The following HUNK variants were observed in gnomAD, a reference collection of about 807,000 sequenced individuals.
HUNK encodes hormonally up-regulated neu tumor-associated kinase.
Under a neutral mutation model 61.0 loss-of-function variants are expected in HUNK, and 21 were observed. That is an observed-to-expected ratio of 0.34 (90% CI 0.24 to 0.50). The LOEUF (loss-of-function observed/expected upper bound fraction) is 0.50. HUNK is among the 20% of genes least tolerant of loss of function. HUNK has a pLI of 0.98. For missense variants in HUNK, 772 were observed against 945.7 expected (o/e 0.82, Z 2.41); for synonymous variants, 371 against 386.1 (o/e 0.96, Z 0.46).
At chr21:31,956,023 G>GA (rs2052887453) in intron 4 of HUNK, among the ~76,000 whole-genome samples, 1 of 152,214 alleles carries the variant, frequency 6.6e-6, no homozygotes, top group South Asian at 2.1e-4. Flanking sequence ...TTAACTGCAT[G>GA]AACCTGCTGG....
chr21:31,970,415 G>A (rs2053001719), intron 6 of HUNK, among the ~76,000 whole-genome samples: 1 of 152,140 alleles, frequency 6.6e-6, no homozygotes, highest in South Asian at 2.1e-4. Flanking sequence ...GGTTACCAAG[G>A]GAACCTGGAA....
intron 2 of HUNK, among the ~76,000 whole-genome samples, chr21:31,927,643 GAA>G (rs111814282): frequency 1.4e-5 from 2 of 140,638 alleles, no homozygotes; most frequent in Admixed American, 7.1e-5. Context: ...GACTTGTCTG[GAA>G]AAAAAAAAAA....
intron 3 of HUNK, among the ~76,000 whole-genome samples, chr21:31,941,137 G>T (rs1223073851): frequency 6.6e-6 from 1 of 152,166 alleles, no homozygotes; most frequent in Admixed American, 6.5e-5. Flanking sequence ...TGGGCAAGAG[G>T]ATGCACAGAC....
chr21:31,899,012 T>C (rs745608010), intron 1 of HUNK, among the ~76,000 whole-genome samples: 19 of 152,118 alleles, frequency 1.2e-4, no homozygotes, highest in Non-Finnish European at 2.5e-4. Context: ...GATAAGCTGC[T>C]CTTAAGTTCC....
At chr21:31,984,873 C>T (rs918290493) in intron 8 of HUNK, among the ~76,000 whole-genome samples, 2 of 152,114 alleles carry the variant, frequency 1.3e-5, no homozygotes, top group Admixed American at 6.5e-5. Flanking sequence ...AAGACATACC[C>T]GAGACTGGGT....
chr21:31,952,436 C>T (rs2052856834), intron 4 of HUNK, among the ~76,000 whole-genome samples: 1 of 152,176 alleles, frequency 6.6e-6, no homozygotes, highest in Admixed American at 6.5e-5. Flanking sequence ...CCACATGCCC[C>T]TTAAGAACGA....
chr21:31,949,177 G>A (rs1323149586), intron 4 of HUNK, among the ~76,000 whole-genome samples: 1 of 152,266 alleles, frequency 6.6e-6, no homozygotes, highest in Non-Finnish European at 1.5e-5. Flanking sequence ...GTGGTCTGGT[G>A]TGCAGGCTGC....
chr21:31,958,548 C>T (rs1482779889), intron 4 of HUNK, among the ~76,000 whole-genome samples: 2 of 151,990 alleles, frequency 1.3e-5, no homozygotes, highest in Non-Finnish European at 2.9e-5. Flanking sequence ...AGATAGTGGT[C>T]CAGGCTGATG....
chr21:31,960,376 A>G (rs993224823), intron 5 of HUNK, among the ~76,000 whole-genome samples: 1 of 122,316 alleles, frequency 8.2e-6, no homozygotes, highest in Admixed American at 8.1e-5. Flanking sequence ...ATAGAGAGTA[A>G]AAAGGTTTTT....
intron 1 of HUNK, among the ~76,000 whole-genome samples, chr21:31,874,538 G>C (rs2052245071): frequency 6.6e-6 from 1 of 152,014 alleles, no homozygotes; most frequent in East Asian, 1.9e-4. Context: ...CCCTCCACTT[G>C]TCCATCCCTC....
chr21:31,921,859 A>T (rs1460887867), intron 1 of HUNK, among the ~76,000 whole-genome samples: 3 of 152,052 alleles, frequency 2.0e-5, no homozygotes, highest in African/African-American at 7.2e-5. Context: ...ATTGAGGTTT[A>T]ACTGACAGAT....
chr21:31,968,986 C>T (rs1052188814), intron 6 of HUNK, among the ~76,000 whole-genome samples: 8 of 151,952 alleles, frequency 5.3e-5, no homozygotes, highest in Non-Finnish European at 1.2e-4. Context: ...TCAAGCGATT[C>T]TTATGCCTCA....
intron 2 of HUNK, among the ~76,000 whole-genome samples, chr21:31,932,911 CTTT>C (rs779361324): frequency 8.4e-5 from 11 of 130,624 alleles, no homozygotes; most frequent in Admixed American, 7.8e-5. Context: ...TGCCTTCTTC[CTTT>C]TTTTTTTTTT....
intron 1 of HUNK, among the ~76,000 whole-genome samples, chr21:31,920,917 C>T (rs1019385615): frequency 5.9e-5 from 9 of 152,054 alleles, no homozygotes; most frequent in African/African-American, 2.2e-4. Context: ...TTGGGGAGGC[C>T]AAGGTGGGCG....
intron 2 of HUNK, among the ~76,000 whole-genome samples, chr21:31,925,245 T>C (rs1031634032): frequency 2.6e-5 from 4 of 152,258 alleles, no homozygotes; most frequent in East Asian, 1.9e-4. Context: ...GTAACAGTTA[T>C]GTGACCCTGG....
intron 1 of HUNK, among the ~76,000 whole-genome samples, chr21:31,874,202 G>T (rs906741570): frequency 1.2e-5 from 1 of 81,304 alleles, no homozygotes; most frequent in South Asian, 5.2e-4. Context: ...CGTTCTGCTC[G>T]TGGAAGGGCG....
chr21:31,994,219 T>C (rs2053188670), intron 9 of HUNK, among the ~76,000 whole-genome samples: 1 of 152,196 alleles, frequency 6.6e-6, no homozygotes, highest in African/African-American at 2.4e-5. Flanking sequence ...TGTCTTCCCA[T>C]GTCACCCCTT....
intron 1 of HUNK, among the ~76,000 whole-genome samples, chr21:31,885,408 A>G (rs1329592923): frequency 2.0e-5 from 3 of 152,114 alleles, no homozygotes; most frequent in Non-Finnish European, 4.4e-5. Context: ...CGGCCTGACG[A>G]CCGTCTCTGA....
chr21:31,991,086 C>T (rs1287599445), intron 9 of HUNK, among the ~76,000 whole-genome samples: 2 of 152,216 alleles, frequency 1.3e-5, no homozygotes. Flanking sequence ...TCTTGCTATG[C>T]GGAATTGGCT....
Sources: gnomAD v4.1 joint callset for allele counts (sites outside exome capture counted in the v4.1 genomes callset) on GRCh38, gnomAD v4.1.1 for gene constraint, MANE v1.5 for transcripts, NCBI Gene and HGNC (gene_info 2026-07-23, HGNC 2026-07-21) for gene names.